The following COL28A1 variants were observed in gnomAD, a reference collection of about 807,000 sequenced individuals.
The protein encoded by COL28A1 is collagen type XXVIII alpha 1 chain, also known as collagen alpha-1(XXVIII) chain.
In COL28A1, 161 loss-of-function variants were observed where a neutral mutation model predicts 150.2. That is an observed-to-expected ratio of 1.07 (90% confidence interval 0.94 to 1.22). COL28A1 has a LOEUF of 1.22. Among genes scored for constraint, COL28A1 ranks in the 50% most tolerant of loss-of-function variants. COL28A1 has a pLI of 0.00. For missense variants in COL28A1, 1,617 were observed against 1,388.3 expected, an observed-to-expected ratio of 1.16 and a Z score of -2.62; for synonymous variants, 552 against 469.7, an observed-to-expected ratio of 1.18 and a Z score of -2.26.
chr7:7,423,558 A>AT (rs58083846), intron 25 of COL28A1, among the ~76,000 whole-genome samples: 11 of 151,090 alleles, frequency 7.3e-5, no homozygotes, highest in South Asian at 2.1e-4. Flanking sequence ...ATGTTACATA[A>AT]TTTTTTTTTT....
At chr7:7,491,989 T>G (rs542417030) in intron 11 of COL28A1, among the ~76,000 whole-genome samples, 1 of 152,196 alleles carries the variant, frequency 6.6e-6, no homozygotes, top group Non-Finnish European at 1.5e-5. Flanking sequence ...CATTCACACG[T>G]GTACCTTTAA....
At chr7:7,503,452 A>T (rs1780644270) in intron 11 of COL28A1, among the ~76,000 whole-genome samples, 1 of 152,254 alleles carries the variant, frequency 6.6e-6, no homozygotes, top group South Asian at 2.1e-4. Context: ...AGAATACAGA[A>T]TTACTGAATT....
intron 27 of COL28A1, among the ~76,000 whole-genome samples, chr7:7,390,957 C>CT: frequency 6.6e-6 from 1 of 152,070 alleles, no homozygotes; most frequent in South Asian, 2.1e-4. Flanking sequence ...TTTGAAGAGT[C>CT]TTTTTGTGTC....
At chr7:7,412,048 C>T (rs761801608) in intron 27 of COL28A1, among the ~76,000 whole-genome samples, 13 of 151,998 alleles carry the variant, frequency 8.6e-5, no homozygotes, top group Admixed American at 4.6e-4. Context: ...TTCACCAAAC[C>T]TCTGGTTCCT....
chr7:7,343,208 A>T, the COL28A1 span, among the ~76,000 whole-genome samples: 1 of 151,402 alleles, frequency 6.6e-6, no homozygotes, highest in South Asian at 2.1e-4. Flanking sequence ...TATCCTACTT[A>T]AGATTCACTG....
At chr7:7,463,251 G>A (rs1199057809) in intron 15 of COL28A1, among the ~76,000 whole-genome samples, 3 of 139,940 alleles carry the variant, frequency 2.1e-5, no homozygotes, top group South Asian at 4.8e-4. Context: ...CTGAAGTTAA[G>A]AAGAAGGAAA....
intron 13 of COL28A1, among the ~76,000 whole-genome samples, chr7:7,479,603 G>T (rs1288186523): frequency 1.3e-5 from 2 of 152,194 alleles, no homozygotes; most frequent in Non-Finnish European, 2.9e-5. Flanking sequence ...GGAACTGGTT[G>T]AACCCACAGG....
chr7:7,523,196 T>C (rs1010698271), intron 4 of COL28A1, among the ~76,000 whole-genome samples: 4 of 150,106 alleles, frequency 2.7e-5, no homozygotes, highest in African/African-American at 9.8e-5. Flanking sequence ...AGTCTCACTC[T>C]GCCACCAGGC....
At chr7:7,349,717 C>G in the COL28A1 span, among the ~76,000 whole-genome samples, 4 of 152,104 alleles carry the variant, frequency 2.6e-5, no homozygotes, top group African/African-American at 9.7e-5. Flanking sequence ...GATCACTGCT[C>G]TTCCTTGCCT....
At chr7:7,507,552 T>C (rs529995420) in intron 9 of COL28A1, among the ~76,000 whole-genome samples, 1 of 152,358 alleles carries the variant, frequency 6.6e-6, no homozygotes, top group South Asian at 2.1e-4. Flanking sequence ...TCTAGATCAC[T>C]CTTTTGCTCA....
At chr7:7,440,045 T>TA (rs1276503171) in intron 21 of COL28A1, among the ~76,000 whole-genome samples, 1 of 152,200 alleles carries the variant, frequency 6.6e-6, no homozygotes, top group Non-Finnish European at 1.5e-5. Flanking sequence ...CTCTTACGTT[T>TA]GCAGTTTCTG....
At chr7:7,513,393 T>C (rs1216555098) in intron 8 of COL28A1, among the ~76,000 whole-genome samples, 1 of 152,222 alleles carries the variant, frequency 6.6e-6, no homozygotes, top group Non-Finnish European at 1.5e-5. Flanking sequence ...TCACTTTCCA[T>C]TAACCTGACA....
chr7:7,520,063 G>T lies in COL28A1; in HGVS notation c.812C>A (p.Pro271Gln). 1 of 1,346,346 alleles carries T rather than the reference G, an allele frequency of 7.4e-7. No homozygotes were observed. The highest frequency in any genetic ancestry group is 1.1e-6 in the Non-Finnish European group (1 of 937,544). The allele number at this position is 1,346,346 out of a possible 1,614,324, so 83.4% of individuals were successfully genotyped here. A position where few individuals can be genotyped will look rare whatever the true frequency, so the allele number is the denominator to read the frequency against. Residue 271 changes from proline (P) to glutamine (Q), a missense_variant and splice_region_variant, in exon 6 of 35, where the codon CCG (proline) becomes CAG (glutamine). Physicochemically the swap from Pro to Gln is moderately conservative, Grantham distance 76 (BLOSUM62 -1). Transcript: ENST00000399429. ...IKGERGPKGNPGNAQKGEAGE... is the reference protein window; with the variant it reads ...IKGERGPKGNQGNAQKGEAGE... Reference sequence around the variant, plus strand: ...AAGAAAAGCTGTTTATTCATTTACCGGGTTTCCTTTTGGTCCTCGCTCACC... The same window carrying T: ...AAGAAAAGCTGTTTATTCATTTACCTGGTTTCCTTTTGGTCCTCGCTCACC...
chr7:7,437,363 G>A, intron 22 of COL28A1, 31 bp downstream of exon 22: 2 of 1,586,162 alleles, frequency 1.3e-6, no homozygotes, highest in Non-Finnish European at 1.7e-6. Flanking sequence ...AAAGGGTCAA[G>A]AAAAAGAAAA....
At chr7:7,482,244 G>A (rs928131086) in intron 13 of COL28A1, among the ~76,000 whole-genome samples, 1 of 152,126 alleles carries the variant, frequency 6.6e-6, no homozygotes, top group South Asian at 2.1e-4. Context: ...CACATTGTTG[G>A]CTGAGCATGG....
chr7:7,523,791 G>T (rs1052685245), intron 4 of COL28A1, among the ~76,000 whole-genome samples: 8 of 152,118 alleles, frequency 5.3e-5, no homozygotes, highest in Non-Finnish European at 1.2e-4. Context: ...TAAGGAGAAT[G>T]AGCTCAAAGT....
chr7:7,439,199 T>C (rs1437328480), intron 21 of COL28A1, among the ~76,000 whole-genome samples: 3 of 152,326 alleles, frequency 2.0e-5, no homozygotes, highest in Admixed American at 6.5e-5. Flanking sequence ...CGTGTTCATC[T>C]TCAGAGCTGA....
At chr7:7,366,183 C>T (rs1780923478) in intron 33 of COL28A1, among the ~76,000 whole-genome samples, 1 of 152,098 alleles carries the variant, frequency 6.6e-6, no homozygotes, top group African/African-American at 2.4e-5. Context: ...AAACTGAGAC[C>T]TCAGGAAAAT....
At chr7:7,441,519 C>G (rs1056043942) in intron 20 of COL28A1, among the ~76,000 whole-genome samples, 2 of 98,274 alleles carry the variant, frequency 2.0e-5, no homozygotes, top group African/African-American at 3.8e-5. Context: ...CACAGCTCAA[C>G]AAACGAAAAA....
Sources: gnomAD v4.1 joint callset for allele counts (sites outside exome capture counted in the v4.1 genomes callset) on GRCh38, gnomAD v4.1.1 for gene constraint, MANE v1.5 for transcripts, NCBI Gene and HGNC (gene_info 2026-07-23, HGNC 2026-07-21) for gene names.